Variants in ZNF688 observed in about 807,000 individuals in gnomAD.
The protein encoded by ZNF688 is zinc finger protein 688.
In ZNF688, 10 loss-of-function variants were observed where a neutral mutation model predicts 13.2. That is an observed-to-expected ratio of 0.76 (90% confidence interval 0.47 to 1.28). ZNF688 has a LOEUF of 1.28. ZNF688 is among the 50% of genes most tolerant of loss of function. The pLI is 0.00. For synonymous variants in ZNF688, 160 were observed against 159.4 expected (o/e 1.00, Z -0.03); for missense variants, 381 against 391.4 (o/e 0.97, Z 0.22).
chr16:30,572,065 G>A (rs1597140517), upstream of ZNF688: 6 of 1,460,288 alleles, frequency 4.1e-6, no homozygotes, highest in Middle Eastern at 7.5e-4. Flanking sequence ...TGTCTGGGAA[G>A]TAGAGGAGAG....
upstream of ZNF688, chr16:30,573,787 TATTA>T (rs1212549149): frequency 1.1e-5 from 3 of 277,552 alleles, no homozygotes; most frequent in Middle Eastern, 1.3e-3. Flanking sequence ...ATGCATATGT[TATTA>T]ATTGATTAAT....
At chr16:30,577,190 C>T (rs1202635529), upstream of ZNF688, among the ~76,000 whole-genome samples, 3 of 152,120 alleles carry the variant, frequency 2.0e-5, no homozygotes, top group Non-Finnish European at 4.4e-5. Context: ...CTTCCACCTC[C>T]TGAGTAGCTA....
chr16:30,571,292 C>G, intron 1 of ZNF688, 142 bp downstream of exon 1: 1 of 1,537,692 alleles, frequency 6.5e-7, no homozygotes, highest in Non-Finnish European at 8.7e-7. Flanking sequence ...CGAGGGGGTA[C>G]CTGAAGCCCT....
the ZNF688 span, chr16:30,578,654 G>C: frequency 2.6e-5 from 4 of 152,168 alleles, no homozygotes; most frequent in African/African-American, 9.7e-5. Flanking sequence ...CTCCCGAGTA[G>C]CTGTGATTAC....
Position 30,569,728 on chromosome 16 carries a change from G to T in ZNF688, c.*188C>A, listed in dbSNP as rs2051640920. ...TGTTAAACAAAAGACTGGGGAGATG[G>T]GTGGCAAGTCTAATCTATTCGAATC... On this transcript the variant is annotated 3_prime_UTR_variant, in exon 3 of 3. Transcript: ENST00000223459. 2.6e-6 allele frequency: 1 copy of T among 389,728 alleles called. No homozygotes were observed. 24.1% of individuals were successfully genotyped at this position (389,728 alleles called of 1,614,324 possible). A position where few individuals can be genotyped will look rare whatever the true frequency, so the allele number is the denominator to read the frequency against.
the ZNF688 span, chr16:30,579,864 G>A: frequency 4.4e-6 from 2 of 455,792 alleles, no homozygotes; most frequent in South Asian, 1.5e-5. Context: ...GGGCCAGAAA[G>A]AACTCTCTTA....
Position 30,569,758 on chromosome 16 carries a change from C to T in ZNF688, c.*158G>A. ...CAAGTCTAATCTATTCGAATCTTTA[C>T]AGGCACTTTTCTTTTTACAAGTTGG... On this transcript the variant is annotated 3_prime_UTR_variant, in exon 3 of 3. Coordinates refer to ENST00000223459, the MANE Select transcript of ZNF688 (RefSeq NM_145271.4). 4 of 480,910 alleles carry T rather than the reference C, an allele frequency of 8.3e-6. No homozygotes were observed. The highest frequency in any genetic ancestry group is 8.7e-6 in the Non-Finnish European group (3 of 345,726). The allele number at this position is 480,910 out of a possible 1,614,324, so 29.8% of individuals were successfully genotyped here. A position where few individuals can be genotyped will look rare whatever the true frequency, so the allele number is the denominator to read the frequency against.
At chr16:30,571,865 C>G, upstream of ZNF688, 1 of 1,281,382 alleles carries the variant, frequency 7.8e-7, no homozygotes, top group Non-Finnish European at 9.8e-7. Flanking sequence ...CATAGACACC[C>G]GGGTTAAGGG....
intron 2 of ZNF688, 47 bp from the exon 3 acceptor site, chr16:30,570,483 C>T (rs1320190196): frequency 2.5e-6 from 4 of 1,571,512 alleles, no homozygotes; most frequent in Admixed American, 1.8e-5. Context: ...TTTGCACAGA[C>T]TGTCTCAGGT....
chr16:30,571,625 G>C lies in ZNF688; in HGVS notation c.5C>G (p.Ala2Gly). The C allele has an allele frequency of 6.8e-7, 1 of 1,461,280 alleles. No homozygotes were observed. Among genetic ancestry groups the C allele is most frequent in the Non-Finnish European group, 9.0e-7 (1 of 1,111,426 alleles). The allele number at this position is 1,461,280 out of a possible 1,614,324, so 90.5% of individuals were successfully genotyped here. A position where few individuals can be genotyped will look rare whatever the true frequency, so the allele number is the denominator to read the frequency against. The change falls in exon 1 of 3, where the codon GCG (alanine) becomes GGG (glycine). Residue 2 changes from alanine (A) to glycine (G), a missense_variant. Coordinates refer to ENST00000223459, the MANE Select transcript of ZNF688 (RefSeq NM_145271.4). MAPPPAPLLAPR... is the reference protein window; with the variant it reads MGPPPAPLLAPR... ...CGCCAGGAGCGGGGCTGGGGGCGGC[G>C]CCATGGGGCCTCGCAGCCCCGATCG...
the ZNF688 span, chr16:30,578,864 C>T: frequency 7.3e-6 from 1 of 137,612 alleles, no homozygotes; most frequent in South Asian, 2.2e-4. Context: ...TGCTGTTACT[C>T]AGACTGAAGT....
In ZNF688 at chr16:30,570,107, G is replaced by A; in HGVS notation, c.640C>T (p.Pro214Ser). ...CTCTTGAAGCGCATGCCACACTCGG[G>A]GCAGGGGAAAGGCCGCTCCCCCGAG... ...MHSGERPFPC[P>S]ECGMRFKRKF... The change falls in exon 3 of 3, where the codon CCC becomes TCC. Residue 214 changes from proline (P) to serine (S), a missense_variant. By Grantham distance (74) the Pro-to-Ser change is moderately conservative (BLOSUM62 -1). Transcript: ENST00000223459. The A allele has an allele frequency of 6.2e-7, 1 of 1,611,594 alleles. No homozygotes were observed. Among genetic ancestry groups the A allele is most frequent in the Non-Finnish European group, 8.5e-7 (1 of 1,179,080 alleles).
chr16:30,572,485 C>G (rs1355109942), upstream of ZNF688: 2 of 443,854 alleles, frequency 4.5e-6, no homozygotes, highest in East Asian at 3.6e-5. Flanking sequence ...CGCTCAGGCT[C>G]TAGACCGAAG....
intron 2 of ZNF688, 148 bp from the exon 3 acceptor site, chr16:30,570,584 T>C (rs2051659314): frequency 2.0e-6 from 2 of 1,008,358 alleles, no homozygotes; most frequent in African/African-American, 3.2e-5. Context: ...GATTCAGATC[T>C]CCTAAAAGTG....
At chr16:30,578,781 T>C in the ZNF688 span, 1 of 152,272 alleles carries the variant, frequency 6.6e-6, no homozygotes, top group Non-Finnish European at 1.5e-5. Flanking sequence ...TCTGCCCACC[T>C]TGGCCTACCA....
At chr16:30,579,534 T>TG in the ZNF688 span, 1 of 277,278 alleles carries the variant, frequency 3.6e-6, no homozygotes, top group African/African-American at 2.2e-5. Context: ...ACTACAGGCA[T>TG]GTGCCACCAC....
chr16:30,570,077 A>G lies in ZNF688; in HGVS notation c.670T>C (p.Phe224Leu). 2 of 1,611,304 alleles carry G rather than the reference A, an allele frequency of 1.2e-6. No individual in the cohort carries two copies. The highest frequency in any genetic ancestry group is 2.2e-5 in the South Asian group (2 of 90,924). Reference protein sequence around the residue: ...PECGMRFKRKFAVEAHQWIHR... With the variant: ...PECGMRFKRKLAVEAHQWIHR... The stretch of plus-strand genomic sequence containing the variant: ...ATCCACTGGTGCGCTTCCACTGCGA[A>G]CTTCCTCTTGAAGCGCATGCCACAC... Residue 224 changes from phenylalanine to leucine, a missense_variant, in exon 3 of 3, where the codon TTC becomes CTC. Physicochemically the swap from Phe to Leu is conservative, Grantham distance 22 (BLOSUM62 0). Coordinates refer to ENST00000223459, the MANE Select transcript of ZNF688 (RefSeq NM_145271.4).
Position 30,569,986 on chromosome 16 carries a change from G to A in ZNF688, c.761C>T (p.Pro254Leu). ...RPGIRAVPRA[P>L]VRGDRDPPVL... ...AGGCGGGTCCCGGTCACCTCGGACG[G>A]GGGCCCGAGGCACAGCCCGGATCCC... Residue 254 changes from proline to leucine, a missense_variant, in exon 3 of 3, where the codon CCC becomes CTC. Pro to Leu is a moderately conservative substitution (Grantham distance 98, BLOSUM62 -3). Transcript: ENST00000223459. 6.2e-7 allele frequency: 1 copy of A among 1,605,596 alleles called. No homozygotes were observed.
chr16:30,579,561 G>T, the ZNF688 span: 1,981 of 282,310 alleles, frequency 7.0e-3, 35 homozygotes, highest in African/African-American at 0.039. Context: ...CTAATTTTTT[G>T]GTAGAGATGG....
Sources: allele counts gnomAD v4.1 joint callset (sites outside exome capture counted in the v4.1 genomes callset), GRCh38; gene constraint gnomAD v4.1.1; transcripts MANE v1.5; gene names NCBI Gene and HGNC (gene_info 2026-07-23, HGNC 2026-07-21).